GLIS3: variants seen among roughly 807,000 people sequenced by gnomAD.
The protein encoded by GLIS3 is GLIS family zinc finger 3.
A neutral mutation model predicts 78.6 loss-of-function variants in GLIS3; 53 were observed. The ratio of observed to expected loss-of-function variants is 0.67; its 90% CI spans 0.54 to 0.85. GLIS3 has a LOEUF of 0.85. Ranked by LOEUF, GLIS3 falls within the 40% of genes least tolerant of loss-of-function variation. GLIS3 has a pLI of 0.00. For synonymous variants in GLIS3, 684 were observed against 509.9 expected (o/e 1.34, Z -4.60); for missense variants, 1,703 against 1,231.1 (o/e 1.38, Z -5.74).
At chr9:4,487,874 T>C in the GLIS3 span, among the ~76,000 whole-genome samples, 2 of 152,094 alleles carry the variant, frequency 1.3e-5, no homozygotes, top group East Asian at 3.8e-4. Flanking sequence ...TTAAGTTTTG[T>C]AGAATCAAGA....
chr9:4,131,911 CT>C (rs1341295431), intron 2 of GLIS3, among the ~76,000 whole-genome samples: 1 of 152,064 alleles, frequency 6.6e-6, no homozygotes, highest in African/African-American at 2.4e-5. Flanking sequence ...CCTGTCATTG[CT>C]TTTTTGCTCC....
At chr9:4,390,507 G>A in the GLIS3 span, among the ~76,000 whole-genome samples, 1 of 151,982 alleles carries the variant, frequency 6.6e-6, no homozygotes, top group African/African-American at 2.4e-5. Context: ...CTGAGACTAT[G>A]GGCACACACC....
the GLIS3 span, among the ~76,000 whole-genome samples, chr9:4,412,849 C>G: frequency 2.0e-5 from 3 of 152,220 alleles, no homozygotes; most frequent in African/African-American, 4.8e-5. Flanking sequence ...ATCCCTATCT[C>G]TCTTCCTCCA....
At chr9:3,834,597 A>C (rs999595156) in intron 9 of GLIS3, among the ~76,000 whole-genome samples, 126 of 152,302 alleles carry the variant, frequency 8.3e-4, no homozygotes, top group African/African-American at 2.9e-3. Context: ...TTTCAAATTA[A>C]ATTCTAGAAA....
chr9:4,365,434 A>G, the GLIS3 span, among the ~76,000 whole-genome samples: 9 of 151,906 alleles, frequency 5.9e-5, no homozygotes, highest in African/African-American at 1.5e-4. Context: ...GCGGGTGCCT[A>G]TAGTCCCAGC....
chr9:4,230,054 TC>T (rs1481374997), intron 2 of GLIS3, among the ~76,000 whole-genome samples: 1 of 152,166 alleles, frequency 6.6e-6, no homozygotes, highest in African/African-American at 2.4e-5. Context: ...TCCTTGGCAT[TC>T]CTGGGGAAAG....
At position 4,090,759 on chromosome 9, in the gene GLIS3, G is replaced by C. The variant is rs576369164; in HGVS notation, c.1710+27009C>G. 2.7e-4 allele frequency among the ~76,000 whole-genome samples: 41 copies of C among 152,194 alleles called. 1 individual carries two copies. The highest frequency in any genetic ancestry group is 2.7e-3 in the Admixed American group (41 of 15,266). On this transcript the variant is annotated intron_variant, in intron 4 of 10. Coordinates refer to ENST00000381971, the MANE Select transcript of GLIS3 (RefSeq NM_001042413.2). ...GGGAAGAAGAGATAAGCTTAAGCAC[G>C]TGAAGTGGTAAACATAGCACAAAAC...
At chr9:4,471,618 A>T in the GLIS3 span, among the ~76,000 whole-genome samples, 1 of 152,236 alleles carries the variant, frequency 6.6e-6, no homozygotes, top group Non-Finnish European at 1.5e-5. Flanking sequence ...AGATGGATTA[A>T]AGACTTTTAA....
chr9:3,854,790 C>A (rs898240455), intron 9 of GLIS3, among the ~76,000 whole-genome samples: 1 of 152,010 alleles, frequency 6.6e-6, no homozygotes, highest in Non-Finnish European at 1.5e-5. Context: ...ATGATCCACC[C>A]GCCTCGGCCT....
intron 6 of GLIS3, among the ~76,000 whole-genome samples, chr9:3,921,533 C>G (rs181096129): frequency 3.9e-5 from 6 of 152,248 alleles, no homozygotes; most frequent in Admixed American, 6.5e-5. Context: ...TGGGAGAAAG[C>G]TGGAGTTTAA....
intron 8 of GLIS3, 48 bp downstream of exon 8, chr9:3,879,379 G>C (rs1821564975): frequency 1.3e-6 from 2 of 1,570,900 alleles, no homozygotes; most frequent in South Asian, 1.1e-5. Context: ...TCTGTGAAGG[G>C]AGGTTTGGCG....
At chr9:4,414,065 G>A in the GLIS3 span, among the ~76,000 whole-genome samples, 1 of 152,150 alleles carries the variant, frequency 6.6e-6, no homozygotes, top group South Asian at 2.1e-4. Context: ...AAAGACTCAT[G>A]TACATTTCCT....
chr9:4,198,746 C>T (rs1819096215), intron 2 of GLIS3, among the ~76,000 whole-genome samples: 1 of 151,930 alleles, frequency 6.6e-6, no homozygotes, highest in Non-Finnish European at 1.5e-5. Flanking sequence ...TGAACATCAC[C>T]AAGACATATA....
intron 9 of GLIS3, among the ~76,000 whole-genome samples, chr9:3,848,660 G>A (rs963436692): frequency 1.6e-4 from 24 of 152,118 alleles, no homozygotes; most frequent in African/African-American, 5.6e-4. Context: ...TGAGGAAGAA[G>A]TTAGCTAAAC....
At position 3,898,778 on chromosome 9, in the gene GLIS3, A is replaced by T. The variant is rs1378770218; in HGVS notation, c.2041T>A (p.Ser681Thr). The change falls in exon 7 of 11, where the codon TCC becomes ACC. Residue 681 changes from serine to threonine, a missense_variant. By Grantham distance (58) the Ser-to-Thr change is moderately conservative (BLOSUM62 1). Coordinates refer to ENST00000381971, the MANE Select transcript of GLIS3 (RefSeq NM_001042413.2). ...CTAGGGGAAGTGGCCGGCTGCAGGGACTGCACGGTGAGGCAATCTGTGAGC... is the reference window on the plus strand; with the variant it reads ...CTAGGGGAAGTGGCCGGCTGCAGGGTCTGCACGGTGAGGCAATCTGTGAGC... The part of the protein sequence containing the change: ...DLLTDCLTVQ[S>T]LQPATSPRDA... 2.5e-6 allele frequency: 4 copies of T among 1,614,126 alleles called. No homozygotes were observed. Among genetic ancestry groups the T allele is most frequent in the African/African-American group, 1.3e-5 (1 of 75,030 alleles).
intron 2 of GLIS3, among the ~76,000 whole-genome samples, chr9:4,177,066 T>G (rs1223572475): frequency 1.3e-5 from 2 of 152,242 alleles, no homozygotes; most frequent in Admixed American, 1.3e-4. Flanking sequence ...TACCAATGTA[T>G]GGGAATCCTA....
rs753019404 is a variant in GLIS3 at position 4,286,391 on chromosome 9, C to T, written c.35G>A (p.Arg12Gln). 38 of 1,614,006 alleles carry T rather than the reference C, an allele frequency of 2.4e-5. No homozygotes were observed. The highest frequency in any genetic ancestry group is 1.2e-4 in the South Asian group (11 of 91,078). ...AGGCCCCTGTGGGGTTCCCGATGTC[C>T]GGTGGAGACTCATGCTGCATGATCT... is the stretch of plus-strand genomic sequence containing the variant. The part of the protein sequence containing the change: ...NGRSCSMSLH[R>Q]TSGTPQGPRM... The change falls in exon 2 of 11, where the codon CGG (arginine) becomes CAG (glutamine). Residue 12 changes from arginine to glutamine, a missense_variant. Arg to Gln is a conservative substitution (Grantham distance 43, BLOSUM62 1). Transcript: ENST00000381971.
chr9:4,403,036 A>T, the GLIS3 span, among the ~76,000 whole-genome samples: 1 of 152,210 alleles, frequency 6.6e-6, no homozygotes, highest in Admixed American at 6.5e-5. Flanking sequence ...AAACACTCAA[A>T]GGTCAAGGAT....
chr9:4,028,623 C>T (rs1385442852), intron 4 of GLIS3, among the ~76,000 whole-genome samples: 2 of 152,158 alleles, frequency 1.3e-5, no homozygotes, highest in Non-Finnish European at 2.9e-5. Context: ...TCCAGGAGCC[C>T]CTTGTGCCCA....
Sources: allele counts gnomAD v4.1 joint callset (sites outside exome capture counted in the v4.1 genomes callset), GRCh38; gene constraint gnomAD v4.1.1; transcripts MANE v1.5; gene names NCBI Gene and HGNC (gene_info 2026-07-23, HGNC 2026-07-21).